The following TSHZ2 variants were observed in gnomAD, a reference collection of about 807,000 sequenced individuals.
The protein encoded by TSHZ2 is teashirt homolog 2.
In TSHZ2, 21 loss-of-function variants were observed where a neutral mutation model predicts 74.4. That is an observed-to-expected ratio of 0.28 (90% confidence interval 0.20 to 0.41). The LOEUF (loss-of-function observed/expected upper bound fraction) is 0.41, where lower values mean the gene tolerates loss of function less well. TSHZ2 is among the 10% of genes least tolerant of loss of function. The pLI is 1.00. For synonymous variants in TSHZ2, 540 were observed against 515.3 expected, an observed-to-expected ratio of 1.05 and a Z score of -0.65; for missense variants, 1,244 against 1,293.5, an observed-to-expected ratio of 0.96 and a Z score of 0.59.
At chr20:53,468,558 T>C (rs1985630084) in intron 2 of TSHZ2, among the ~76,000 whole-genome samples, 1 of 152,034 alleles carries the variant, frequency 6.6e-6, no homozygotes, top group African/African-American at 2.4e-5. Context: ...TGAAGAGATC[T>C]TAAACCATTT....
intron 2 of TSHZ2, among the ~76,000 whole-genome samples, chr20:53,258,153 C>A (rs1217239210): frequency 3.3e-5 from 5 of 152,144 alleles, no homozygotes; most frequent in Non-Finnish European, 7.4e-5. Flanking sequence ...TTTTGGTTTG[C>A]ATGTTTTTAT....
At chr20:53,308,826 G>A (rs1052572159) in intron 2 of TSHZ2, among the ~76,000 whole-genome samples, 4 of 152,326 alleles carry the variant, frequency 2.6e-5, no homozygotes, top group East Asian at 1.9e-4. Context: ...GGATAAAGGC[G>A]AGAGCATTGT....
chr20:53,043,289 C>T lies in TSHZ2; in HGVS notation c.40+69956C>T, dbSNP rs761102519. 4.4e-4 allele frequency among the ~76,000 whole-genome samples: 67 copies of T among 152,178 alleles called. 1 individual carries two copies. Among genetic ancestry groups the T allele is most frequent in the Non-Finnish European group, 2.9e-5 (2 of 68,042 alleles). On this transcript the variant is annotated intron_variant, in intron 1 of 2. Coordinates refer to ENST00000371497, the MANE Select transcript of TSHZ2 (RefSeq NM_173485.6). ...TATGCCTTATTTATACTGTTCTCAA[C>T]AGGAGGTGGTTTTGCCTCTCAGGGG...
intron 2 of TSHZ2, among the ~76,000 whole-genome samples, chr20:53,441,230 ATT>A (rs1984305244): frequency 5.6e-5 from 3 of 53,780 alleles, no homozygotes; most frequent in Admixed American, 3.4e-4. Context: ...TGTTTATTTT[ATT>A]TTATTTTATT....
rs1158982140 is a variant in TSHZ2, at chr20:53,270,850, C to G, written c.*8+14279C>G. Among the ~76,000 whole-genome samples, 3 of 152,246 alleles carry G rather than the reference C, an allele frequency of 2.0e-5. No homozygotes were observed. In the East Asian group the frequency reaches 5.8e-4, roughly 29 times the overall value. ...TTTTCAATGCTACATTTCTCAATTT[C>G]ACAGTCAAATAATTCTATTTTTGTT... On this transcript the variant is annotated intron_variant, in intron 2 of 2. Transcript: ENST00000371497.
chr20:53,414,585 T>C (rs1182110486), intron 2 of TSHZ2, among the ~76,000 whole-genome samples: 1 of 151,976 alleles, frequency 6.6e-6, no homozygotes, highest in Non-Finnish European at 1.5e-5. Flanking sequence ...ATGACTCTTT[T>C]GCCAGCAGCC....
At chr20:53,282,481 G>A (rs895983018) in intron 2 of TSHZ2, among the ~76,000 whole-genome samples, 4 of 152,150 alleles carry the variant, frequency 2.6e-5, no homozygotes, top group East Asian at 3.8e-4. Context: ...CTTACCACAC[G>A]CTTTAAGTAG....
At chr20:53,014,055 T>C (rs764272869) in intron 1 of TSHZ2, among the ~76,000 whole-genome samples, 1 of 152,166 alleles carries the variant, frequency 6.6e-6, no homozygotes, top group African/African-American at 2.4e-5. Context: ...TACCATAGAC[T>C]GGGTGGGTGG....
intron 1 of TSHZ2, among the ~76,000 whole-genome samples, chr20:53,203,191 A>ATTT (rs34078708): frequency 1.8e-4 from 23 of 130,540 alleles, no homozygotes; most frequent in South Asian, 5.0e-4. Context: ...GCAGACTCAA[A>ATTT]TTTTTTTTTT....
intron 2 of TSHZ2, among the ~76,000 whole-genome samples, chr20:53,337,154 G>C (rs1172154420): frequency 6.6e-6 from 1 of 152,198 alleles, no homozygotes; most frequent in Admixed American, 6.5e-5. Flanking sequence ...TCCACAGGCA[G>C]AATGTCTTCC....
intron 1 of TSHZ2, among the ~76,000 whole-genome samples, chr20:53,001,200 ATGTGCG>A (rs1982396698): frequency 3.7e-5 from 2 of 54,492 alleles, no homozygotes; most frequent in Admixed American, 1.5e-4. Flanking sequence ...GTGTGCGTTC[ATGTGCG>A]TGTGTGTGTG....
intron 1 of TSHZ2, among the ~76,000 whole-genome samples, chr20:53,104,273 G>A (rs1034600332): frequency 6.6e-6 from 1 of 152,080 alleles, no homozygotes; most frequent in Non-Finnish European, 1.5e-5. Flanking sequence ...GGGAGGGTTG[G>A]ACTCACCCAC....
chr20:53,053,077 G>A (rs1015424605), intron 1 of TSHZ2, among the ~76,000 whole-genome samples: 15 of 152,100 alleles, frequency 9.9e-5, no homozygotes, highest in African/African-American at 3.1e-4. Flanking sequence ...TCCGGTACTG[G>A]TAGAGAGACT....
At chr20:53,236,276 A>G (rs1028638727) in intron 1 of TSHZ2, among the ~76,000 whole-genome samples, 2 of 152,216 alleles carry the variant, frequency 1.3e-5, no homozygotes, top group Admixed American at 1.3e-4. Context: ...TCCTTTACTT[A>G]TTATGAATTG....
At chr20:53,225,613 G>C (rs1483495752) in intron 1 of TSHZ2, among the ~76,000 whole-genome samples, 2 of 152,132 alleles carry the variant, frequency 1.3e-5, no homozygotes, top group South Asian at 2.1e-4. Flanking sequence ...TCAAATCTTC[G>C]CAACTCCGCT....
At chr20:53,484,818 T>C (rs1157820801) in intron 2 of TSHZ2, among the ~76,000 whole-genome samples, 4 of 152,222 alleles carry the variant, frequency 2.6e-5, no homozygotes, top group African/African-American at 7.2e-5. Context: ...AAGGAATAGT[T>C]TCAAATGTCT....
chr20:53,123,486 C>A (rs989493630), intron 1 of TSHZ2, among the ~76,000 whole-genome samples: 1 of 152,162 alleles, frequency 6.6e-6, no homozygotes, highest in Admixed American at 6.6e-5. Flanking sequence ...ACAACTTGGT[C>A]CCATATCACA....
chr20:53,189,483 C>T (rs1014863750), intron 1 of TSHZ2, among the ~76,000 whole-genome samples: 3 of 152,202 alleles, frequency 2.0e-5, no homozygotes, highest in Non-Finnish European at 4.4e-5. Context: ...TGGTACCTCA[C>T]ATGGTTGTTA....
chr20:53,077,692 G>T (rs1213674276), intron 1 of TSHZ2, among the ~76,000 whole-genome samples: 1 of 152,140 alleles, frequency 6.6e-6, no homozygotes, highest in Non-Finnish European at 1.5e-5. Context: ...ACTGCACAAA[G>T]GTCAAAGAAA....
Sources: allele counts gnomAD v4.1 joint callset (sites outside exome capture counted in the v4.1 genomes callset), GRCh38; gene constraint gnomAD v4.1.1; transcripts MANE v1.5; gene names NCBI Gene and HGNC (gene_info 2026-07-23, HGNC 2026-07-21).